The following ATXN10 variants were observed in gnomAD, a reference collection of about 807,000 sequenced individuals.
The protein encoded by ATXN10 is ataxin-10.
A neutral mutation model predicts 52.9 loss-of-function variants in ATXN10; 28 were observed. That is an observed-to-expected ratio of 0.53 (90% CI 0.39 to 0.73). The LOEUF is 0.73. Among genes scored for constraint, ATXN10 ranks in the 30% least tolerant of loss-of-function variants. The pLI is 0.00. For missense variants in ATXN10, 565 were observed against 577.0 expected (o/e 0.98, Z 0.21); for synonymous variants, 226 against 221.5 (o/e 1.02, Z -0.18).
Position 45,772,639 on chromosome 22 carries a change from T to C in ATXN10, c.1173+32101T>C, listed in dbSNP as rs1926816800. On this transcript the variant is annotated intron_variant, in intron 9 of 11. Transcript: ENST00000252934. This position sits in a 1 kb window ranked among gnomAD's most constrained non-coding sequence, Gnocchi z 4.1. ...GAATTGCGTTAAATATACAGCTCTC[T>C]TTGGGGGGAATCAATGTCTTACTGT... 6.6e-6 allele frequency among the ~76,000 whole-genome samples: 1 copy of C among 152,244 alleles called. No individual in the cohort carries two copies. Among genetic ancestry groups the C allele is most frequent in the African/African-American group, 2.4e-5 (1 of 41,470 alleles).
chr22:45,815,517 G>A (rs916299181), intron 10 of ATXN10, among the ~76,000 whole-genome samples: 3 of 152,164 alleles, frequency 2.0e-5, no homozygotes, highest in African/African-American at 7.2e-5. Flanking sequence ...GCCAAATCCT[G>A]TGCTACATTT....
rs1198551635 is a variant in ATXN10, at chr22:45,775,994, C to T, written c.1174-30965C>T. The stretch of plus-strand genomic sequence containing the variant: ...GGTTCCGTCCTTGACCCACACTTGA[C>T]CTGTCTGCTGGAGGGGGACCCAATT... On this transcript the variant is annotated intron_variant, in intron 9 of 11. Coordinates refer to ENST00000252934, the MANE Select transcript of ATXN10 (RefSeq NM_013236.4). This position sits in a 1 kb window ranked among gnomAD's most constrained non-coding sequence, Gnocchi z 4.7. Among the ~76,000 whole-genome samples, 1 of 152,204 alleles carries T rather than the reference C, an allele frequency of 6.6e-6. No individual in the cohort carries two copies. Among genetic ancestry groups the T allele is most frequent in the Non-Finnish European group, 1.5e-5 (1 of 68,034 alleles).
rs887030907 is a variant in ATXN10 at position 45,708,888 on chromosome 22, G to T, written c.647+6041G>T. ...ACTCCTGACCTCAGGTGATCTCCCC[G>T]CCTGTCTCCCAAAGTGCTGGGATTA... On this transcript the variant is annotated intron_variant, in intron 5 of 11. Transcript: ENST00000252934. The surrounding 1 kb of genome is among the most constrained non-coding windows in gnomAD (Gnocchi z 5.3). 1.3e-5 allele frequency among the ~76,000 whole-genome samples: 2 copies of T among 152,058 alleles called. No individual in the cohort carries two copies. Among genetic ancestry groups the T allele is most frequent in the South Asian group, 2.1e-4 (1 of 4,820 alleles).
At position 45,759,018 on chromosome 22, in the gene ATXN10, TAGA is replaced by T. The variant is rs577239543; in HGVS notation, c.1173+18483_1173+18485del. On this transcript the variant is annotated intron_variant, in intron 9 of 11. Coordinates refer to ENST00000252934, the MANE Select transcript of ATXN10 (RefSeq NM_013236.4). This position sits in a 1 kb window ranked among gnomAD's most constrained non-coding sequence, Gnocchi z 5.4. ...ATGTAATTTAGACATTATTCTTACT[TAGA>T]AGTACCATTCTTATTTAAAGGCAGT... Among the ~76,000 whole-genome samples, 493 of 152,364 alleles carry T rather than the reference TAGA, an allele frequency of 3.2e-3. 2 individuals are homozygous for T. Among genetic ancestry groups the T allele is most frequent in the Middle Eastern group, 0.01 (3 of 294 alleles).
At position 45,754,732 on chromosome 22, in the gene ATXN10, G is replaced by A. The variant is rs1239045344; in HGVS notation, c.1173+14194G>A. ...TAGCCAGATATGGTGGCTCATGCCTGTAGTCCCAGCTACTTGGGAGGCTGA... is the reference window on the plus strand; with the variant it reads ...TAGCCAGATATGGTGGCTCATGCCTATAGTCCCAGCTACTTGGGAGGCTGA... On this transcript the variant is annotated intron_variant, in intron 9 of 11. Transcript: ENST00000252934. The surrounding 1 kb of genome is among the most constrained non-coding windows in gnomAD (Gnocchi z 5.4). Among the ~76,000 whole-genome samples the A allele has an allele frequency of 6.6e-6, 1 of 152,242 alleles. No individual in the cohort carries two copies. The highest frequency in any genetic ancestry group is 1.5e-5 in the Non-Finnish European group (1 of 68,046).
intron 4 of ATXN10, among the ~76,000 whole-genome samples, 193 bp from the exon 5 acceptor site, chr22:45,702,496 T>C (rs1016891965): frequency 1.3e-5 from 2 of 152,226 alleles, no homozygotes; most frequent in Middle Eastern, 3.2e-3. Context: ...CTTTAATATT[T>C]TGGATACTTT....
rs561703983 is a variant in ATXN10 at position 45,766,431 on chromosome 22, C to T, written c.1173+25893C>T. 3.9e-5 allele frequency among the ~76,000 whole-genome samples: 6 copies of T among 152,316 alleles called. No homozygotes were observed. Among genetic ancestry groups the T allele is most frequent in the Non-Finnish European group, 7.3e-5 (5 of 68,030 alleles). On this transcript the variant is annotated intron_variant, in intron 9 of 11. Transcript: ENST00000252934. This position sits in a 1 kb window ranked among gnomAD's most constrained non-coding sequence, Gnocchi z 4.6. Reference sequence around the variant, plus strand: ...GTCTTCCCCGCAACCCCTCTTCCCCCGAGTCTGTGGAAAAATTGCCTTCCA... The same window carrying T: ...GTCTTCCCCGCAACCCCTCTTCCCCTGAGTCTGTGGAAAAATTGCCTTCCA...
chr22:45,758,767 C>T (rs1926270213), intron 9 of ATXN10, among the ~76,000 whole-genome samples: 1 of 152,240 alleles, frequency 6.6e-6, no homozygotes, highest in African/African-American at 2.4e-5. Flanking sequence ...TTTTTGTCTT[C>T]AGGGCAAGCT....
intron 9 of ATXN10, among the ~76,000 whole-genome samples, chr22:45,761,243 C>T (rs1926378922): frequency 6.6e-6 from 1 of 152,142 alleles, no homozygotes; most frequent in Non-Finnish European, 1.5e-5. Flanking sequence ...GCCTCAGCCT[C>T]CCAAGTAGCT....
At chr22:45,730,336 C>T (rs531554539) in intron 7 of ATXN10, among the ~76,000 whole-genome samples, 32 of 143,670 alleles carry the variant, frequency 2.2e-4, no homozygotes, top group African/African-American at 8.9e-4. Context: ...GCAGTGAGAC[C>T]CTTGTCTCAA....
chr22:45,769,872 A>T lies in ATXN10; in HGVS notation c.1173+29334A>T, dbSNP rs1474616903. On this transcript the variant is annotated intron_variant, in intron 9 of 11. Coordinates refer to ENST00000252934, the MANE Select transcript of ATXN10 (RefSeq NM_013236.4). This position sits in a 1 kb window ranked among gnomAD's most constrained non-coding sequence, Gnocchi z 4.2. ...GTCAGGAAGTTAAAAAATATAAAAA[A>T]TTTTCTGATGAAATGTAAGTTATAA... 6.6e-6 allele frequency among the ~76,000 whole-genome samples: 1 copy of T among 152,202 alleles called. No homozygotes were observed. The highest frequency in any genetic ancestry group is 1.5e-5 in the Non-Finnish European group (1 of 68,036).
In ATXN10 at chr22:45,843,254, C is replaced by T. The variant is rs768297945; in HGVS notation, c.1425+76C>T. The T allele has an allele frequency of 7.5e-5, 111 of 1,477,482 alleles. No homozygotes were observed. The highest frequency in any genetic ancestry group is 1.0e-4 in the Non-Finnish European group (106 of 1,060,300). 91.5% of individuals were successfully genotyped at this position (1,477,482 alleles called of 1,614,324 possible). Reference sequence around the variant, plus strand: ...TTCCACTTCCCCATTGCTTCAAGCACGAGGCTCTTTGTAAGAATATGGATG... The same window carrying T: ...TTCCACTTCCCCATTGCTTCAAGCATGAGGCTCTTTGTAAGAATATGGATG... On this transcript the variant is annotated intron_variant, in intron 11 of 11. Coordinates refer to ENST00000252934, the MANE Select transcript of ATXN10 (RefSeq NM_013236.4). This position sits in a 1 kb window ranked among gnomAD's most constrained non-coding sequence, Gnocchi z 4.5.
At chr22:45,821,857 A>AAT (rs1425416677) in intron 10 of ATXN10, among the ~76,000 whole-genome samples, 1 of 152,188 alleles carries the variant, frequency 6.6e-6, no homozygotes, top group Non-Finnish European at 1.5e-5. Context: ...AAGTGAAGCC[A>AAT]ATATATATGT....
rs1005385715 is a variant in ATXN10, at chr22:45,757,805, A to T, written c.1173+17267A>T. Among the ~76,000 whole-genome samples the T allele has an allele frequency of 6.6e-6, 1 of 152,160 alleles. No homozygotes were observed. The highest frequency in any genetic ancestry group is 1.9e-4 in the East Asian group (1 of 5,192). On this transcript the variant is annotated intron_variant, in intron 9 of 11. Coordinates refer to ENST00000252934, the MANE Select transcript of ATXN10 (RefSeq NM_013236.4). The surrounding 1 kb of genome is among the most constrained non-coding windows in gnomAD (Gnocchi z 4.6). Reference sequence around the variant, plus strand: ...CTTTTAAGAATTATTCTCTATTAGTACTTTTCTTACATGATTCAACTTGGA... The same window carrying T: ...CTTTTAAGAATTATTCTCTATTAGTTCTTTTCTTACATGATTCAACTTGGA...
In ATXN10 at chr22:45,833,672, A is replaced by G. The variant is rs142155341; in HGVS notation, c.1238-9319A>G. 4.9e-4 allele frequency among the ~76,000 whole-genome samples: 75 copies of G among 152,328 alleles called. No homozygotes were observed. Among genetic ancestry groups the G allele is most frequent in the Non-Finnish European group, 9.7e-4 (66 of 68,024 alleles). ...ATAGTTACTCTGACTGGTATCTGCAAGTTTATCACTTGGGATTTCTTTGAA... is the reference window on the plus strand; with the variant it reads ...ATAGTTACTCTGACTGGTATCTGCAGGTTTATCACTTGGGATTTCTTTGAA... On this transcript the variant is annotated intron_variant, in intron 10 of 11. Coordinates refer to ENST00000252934, the MANE Select transcript of ATXN10 (RefSeq NM_013236.4). This position sits in a 1 kb window ranked among gnomAD's most constrained non-coding sequence, Gnocchi z 4.3.
chr22:45,807,232 G>T, intron 10 of ATXN10: 1 of 648,386 alleles, frequency 1.5e-6, no homozygotes, highest in East Asian at 2.8e-5. Context: ...TTTTCATGGT[G>T]AATAAGACAT....
Position 45,816,993 on chromosome 22 carries a change from AGGCTC to A in ATXN10, c.1237+9974_1237+9978del, listed in dbSNP as rs1051537057. 1.3e-5 allele frequency among the ~76,000 whole-genome samples: 2 copies of A among 152,208 alleles called. No individual in the cohort carries two copies. Among genetic ancestry groups the A allele is most frequent in the African/African-American group, 4.8e-5 (2 of 41,458 alleles). ...ACACCTCGAGATGGCGCAGCTGGCT[AGGCTC>A]GGTGTGGTTTGTAAAAGATAGCAAT... On this transcript the variant is annotated intron_variant, in intron 10 of 11. Coordinates refer to ENST00000252934, the MANE Select transcript of ATXN10 (RefSeq NM_013236.4). This position sits in a 1 kb window ranked among gnomAD's most constrained non-coding sequence, Gnocchi z 5.8.
chr22:45,739,273 C>T (rs2146801363), intron 8 of ATXN10, among the ~76,000 whole-genome samples: 1 of 152,244 alleles, frequency 6.6e-6, no homozygotes, highest in Non-Finnish European at 1.5e-5. Flanking sequence ...ATATACAAAT[C>T]TTATGAGAAA....
At chr22:45,788,944 C>T (rs1204831576) in intron 9 of ATXN10, among the ~76,000 whole-genome samples, 1 of 152,160 alleles carries the variant, frequency 6.6e-6, no homozygotes, top group Admixed American at 6.5e-5. Context: ...CCACCATGCC[C>T]AGCCAGGAGC....
Sources: gnomAD v4.1 joint callset for allele counts (sites outside exome capture counted in the v4.1 genomes callset) on GRCh38, gnomAD v4.1.1 for gene constraint, Gnocchi (gnomAD v3.1) non-coding constraint, MANE v1.5 for transcripts, NCBI Gene and HGNC (gene_info 2026-07-23, HGNC 2026-07-21) for gene names.